Variants in TBL1X observed in about 807,000 individuals in gnomAD.
TBL1X encodes F-box-like/WD repeat-containing protein TBL1X.
Under a neutral mutation model 50.7 loss-of-function variants are expected in TBL1X, and 10 were observed. That is an observed-to-expected ratio of 0.20 (90% CI 0.12 to 0.33). TBL1X has a LOEUF of 0.33. Ranked by LOEUF, TBL1X falls within the 10% of genes least tolerant of loss-of-function variation. TBL1X has a pLI of 1.00. For missense variants in TBL1X, 340 were observed against 504.4 expected, an observed-to-expected ratio of 0.67 and a Z score of 3.12; for synonymous variants, 190 against 214.7, an observed-to-expected ratio of 0.88 and a Z score of 1.01.
rs719164 is a variant in TBL1X, at chrX:9,596,856, T to C, written c.-130-43417T>C. ...TTCTGTGGTGGTCTCTGAGAACCCA[T>C]GAATAAGGATCCCAGGGAAGCCTTT... On this transcript the variant is annotated intron_variant, in intron 2 of 17. Transcript: ENST00000645353. 3.4e-3 allele frequency among the ~76,000 whole-genome samples: 378 copies of C among 110,875 alleles called. 1 individual carries two copies. Among genetic ancestry groups the C allele is most frequent in the African/African-American group, 0.012 (360 of 30,470 alleles).
In TBL1X at chrX:9,687,947, G is replaced by T. The variant is rs750991461; in HGVS notation, c.358-70G>T. 319 of 1,139,116 alleles carry T rather than the reference G, an allele frequency of 2.8e-4. No homozygotes were observed. The African/African-American group carries it at 5.8e-3, about 21-fold the overall frequency. The allele number at this position is 1,139,116 out of a possible 1,213,427, so 93.9% of individuals were successfully genotyped here. On this transcript the variant is annotated intron_variant, in intron 6 of 17. Coordinates refer to ENST00000645353, the MANE Select transcript of TBL1X (RefSeq NM_005647.4). Reference sequence around the variant, plus strand: ...CACTTCCCTGCGCTTCTCCTGCCCAGAGAGCAGAGGCCATTCCCAGAGCCC... The same window carrying T: ...CACTTCCCTGCGCTTCTCCTGCCCATAGAGCAGAGGCCATTCCCAGAGCCC...
chrX:9,490,884 T>C (rs2081937758), intron 1 of TBL1X, among the ~76,000 whole-genome samples: 1 of 112,215 alleles, frequency 8.9e-6, no homozygotes, highest in Non-Finnish European at 1.9e-5. Flanking sequence ...ATTTCTATTA[T>C]GAGCTTATTT....
chrX:9,715,702 A>AC (rs2083274108), intron 17 of TBL1X, among the ~76,000 whole-genome samples: 1 of 111,711 alleles, frequency 9.0e-6, no homozygotes, highest in East Asian at 2.8e-4. Context: ...CACAATTGTC[A>AC]CCCATGCTGT....
chrX:9,563,411 A>G (rs1569056853), intron 2 of TBL1X, among the ~76,000 whole-genome samples: 2 of 112,914 alleles, frequency 1.8e-5, no homozygotes, highest in Admixed American at 1.9e-4. Flanking sequence ...GGACGCCATA[A>G]GGAATGAAAT....
intron 1 of TBL1X, among the ~76,000 whole-genome samples, chrX:9,482,109 A>G (rs760266916): frequency 2.5e-4 from 25 of 99,645 alleles, no homozygotes; most frequent in South Asian, 9.1e-4. Context: ...TTTGGACTGA[A>G]TCGTGAATTC....
chrX:9,594,900 T>G (rs958722271), intron 2 of TBL1X, among the ~76,000 whole-genome samples: 1 of 112,244 alleles, frequency 8.9e-6, no homozygotes, highest in East Asian at 2.8e-4. Context: ...TCTTGGTTTA[T>G]CCTTCATCCC....
chrX:9,545,029 T>C (rs2082235327), intron 2 of TBL1X, among the ~76,000 whole-genome samples: 1 of 72,561 alleles, frequency 1.4e-5, no homozygotes, highest in African/African-American at 5.7e-5. Context: ...TTTTTTGAAA[T>C]GGAGTCTCAC....
chrX:9,651,398 A>T (rs1339379633), intron 3 of TBL1X, among the ~76,000 whole-genome samples: 1 of 111,794 alleles, frequency 8.9e-6, no homozygotes, highest in Non-Finnish European at 1.9e-5. Flanking sequence ...CCTTCGTAGC[A>T]ACCAGCCTTC....
chrX:9,625,736 A>G (rs1435730021), intron 2 of TBL1X, among the ~76,000 whole-genome samples: 1 of 111,942 alleles, frequency 8.9e-6, no homozygotes, highest in African/African-American at 3.3e-5. Context: ...CAGGAGTTCA[A>G]GACCAGCCTG....
At position 9,711,341 on chromosome X, in the gene TBL1X, C is replaced by CAA. The variant is rs35046287; in HGVS notation, c.1440-256_1440-255dup. Among the ~76,000 whole-genome samples the CAA allele has an allele frequency of 1.2e-3, 89 of 76,390 alleles. 1 individual carries two copies. The highest frequency in any genetic ancestry group is 4.1e-3 in the African/African-American group (84 of 20,342). 66.3% of individuals were successfully genotyped at this position (76,390 alleles called of 115,157 possible). A position where few individuals can be genotyped will look rare whatever the true frequency, so the allele number is the denominator to read the frequency against. ...TGGGCAACACAGTAAGACCCCATCTCAAAAAAAAAAAAAAAGGTGCAGAAA... is the reference window on the plus strand; with the variant it reads ...TGGGCAACACAGTAAGACCCCATCTCAAAAAAAAAAAAAAAAAGGTGCAGAAA... On this transcript the variant is annotated intron_variant, in intron 15 of 17. Coordinates refer to ENST00000645353, the MANE Select transcript of TBL1X (RefSeq NM_005647.4).
intron 1 of TBL1X, among the ~76,000 whole-genome samples, chrX:9,491,323 TATATATATATATA>T (rs1569205463): frequency 7.1e-5 from 3 of 42,251 alleles, no homozygotes; most frequent in African/African-American, 1.0e-4. Context: ...TATATATATA[TATATATATATATA>T]TATTTTTTTT....
chrX:9,593,251 A>C (rs777424015), intron 2 of TBL1X, among the ~76,000 whole-genome samples: 1 of 108,783 alleles, frequency 9.2e-6, no homozygotes, highest in East Asian at 2.9e-4. Context: ...AAAATACAAA[A>C]ATTAGCCAGG....
intron 2 of TBL1X, among the ~76,000 whole-genome samples, chrX:9,544,134 T>A (rs1041885473): frequency 2.7e-5 from 3 of 112,041 alleles, no homozygotes; most frequent in Admixed American, 1.9e-4. Flanking sequence ...AATGCTGTTA[T>A]GAATTAATTT....
intron 2 of TBL1X, among the ~76,000 whole-genome samples, chrX:9,579,795 C>T (rs1305118799): frequency 9.0e-6 from 1 of 110,970 alleles, no homozygotes; most frequent in African/African-American, 3.3e-5. Context: ...GCATGGAGCA[C>T]AGAGCCATTT....
At chrX:9,505,875 T>C (rs968964393) in intron 2 of TBL1X, among the ~76,000 whole-genome samples, 1 of 112,147 alleles carries the variant, frequency 8.9e-6, no homozygotes, top group African/African-American at 3.2e-5. Flanking sequence ...AACACCCCAC[T>C]GTCAGTATTA....
At position 9,503,859 on chromosome X, in the gene TBL1X, C is replaced by T. The variant is rs2082013462; in HGVS notation, c.-131+2010C>T. ...TGACCAGCAGATTTAGCTTTTCCTC[C>T]TGGTAGTTCCAAGGAATCTGGACAG... On this transcript the variant is annotated intron_variant, in intron 2 of 17. Coordinates refer to ENST00000645353, the MANE Select transcript of TBL1X (RefSeq NM_005647.4). Among the ~76,000 whole-genome samples, 3 of 112,727 alleles carry T rather than the reference C, an allele frequency of 2.7e-5. No homozygotes were observed. In the South Asian group the frequency reaches 1.1e-3, roughly 41 times the overall value.
chrX:9,473,645 T>G (rs904196122), intron 1 of TBL1X, among the ~76,000 whole-genome samples: 2 of 112,182 alleles, frequency 1.8e-5, no homozygotes, highest in African/African-American at 6.5e-5. Flanking sequence ...CAACTAATGG[T>G]TCTCATTTGG....
In TBL1X at chrX:9,625,671, G is replaced by C. The variant is rs1170261021; in HGVS notation, c.-130-14602G>C. Among the ~76,000 whole-genome samples the C allele has an allele frequency of 4.4e-5, 5 of 112,634 alleles. No individual in the cohort carries two copies. In the Admixed American group the frequency reaches 4.7e-4, roughly 11 times the overall value. On this transcript the variant is annotated intron_variant, in intron 2 of 17. Transcript: ENST00000645353. The stretch of plus-strand genomic sequence containing the variant: ...AATGCAAACTAGGCCGAGTGCGGTG[G>C]CTCACGCCTGTAATCCCAGCACTTT...
intron 2 of TBL1X, among the ~76,000 whole-genome samples, chrX:9,575,412 GC>G (rs1237316390): frequency 4.5e-5 from 5 of 111,472 alleles, no homozygotes; most frequent in Non-Finnish European, 7.5e-5. Flanking sequence ...TTTACTTTCT[GC>G]CCCTATGCAT....
Sources: allele counts gnomAD v4.1 joint callset (sites outside exome capture counted in the v4.1 genomes callset), GRCh38; gene constraint gnomAD v4.1.1; transcripts MANE v1.5; gene names NCBI Gene and HGNC (gene_info 2026-07-23, HGNC 2026-07-21).